SYBU: variants seen among roughly 807,000 people sequenced by gnomAD.
SYBU encodes syntabulin.
A neutral mutation model predicts 35.9 loss-of-function variants in SYBU; 21 were observed. The ratio of observed to expected loss-of-function variants is 0.58; its 90% CI spans 0.41 to 0.84. The LOEUF (loss-of-function observed/expected upper bound fraction) is 0.84. Ranked by LOEUF, SYBU falls within the 40% of genes least tolerant of loss-of-function variation. The pLI, the probability that SYBU is intolerant of heterozygous loss-of-function variation, is 0.00. For synonymous variants in SYBU, 319 were observed against 324.3 expected (o/e 0.98, Z 0.18); for missense variants, 768 against 848.2 (o/e 0.91, Z 1.17).
chr8:109,663,767 A>G (rs1816658917), intron 1 of SYBU, among the ~76,000 whole-genome samples: 1 of 152,014 alleles, frequency 6.6e-6, no homozygotes, highest in Admixed American at 6.6e-5. Context: ...TTTTGCCCAC[A>G]AAAAACATGC....
intron 1 of SYBU, among the ~76,000 whole-genome samples, chr8:109,651,462 T>C (rs563645870): frequency 1.5e-5 from 2 of 136,676 alleles, no homozygotes; most frequent in South Asian, 4.8e-4. Context: ...TTTTTTTTTT[T>C]TTTTTTTTTT....
chr8:109,603,278 T>A (rs1586800938), intron 3 of SYBU: 1 of 327,594 alleles, frequency 3.1e-6, no homozygotes, highest in East Asian at 1.7e-4. Flanking sequence ...GTTTTTGAAC[T>A]CCCACTCATC....
At chr8:109,610,111 C>T (rs959342377) in intron 3 of SYBU, among the ~76,000 whole-genome samples, 4 of 152,146 alleles carry the variant, frequency 2.6e-5, no homozygotes, top group African/African-American at 9.7e-5. Flanking sequence ...CCTCCTTAAG[C>T]ACGGAACAAT....
intron 3 of SYBU, chr8:109,586,455 T>C (rs1044811615): frequency 2.8e-6 from 1 of 359,320 alleles, no homozygotes; most frequent in Non-Finnish European, 5.1e-6. Flanking sequence ...AGAAATGCAC[T>C]GTTCTCCCGT....
upstream of SYBU, among the ~76,000 whole-genome samples, chr8:109,682,862 C>T (rs138518294): frequency 1.8e-4 from 27 of 152,350 alleles, no homozygotes; most frequent in African/African-American, 6.0e-4. Flanking sequence ...TGCTCTGCAT[C>T]CCAGCTGTTC....
chr8:109,583,870 G>A (rs942793999), intron 4 of SYBU, among the ~76,000 whole-genome samples: 3 of 152,080 alleles, frequency 2.0e-5, no homozygotes, highest in African/African-American at 7.2e-5. Flanking sequence ...GTGCAGTGGT[G>A]CAATCTTGAC....
At chr8:109,620,074 T>C (rs1365317632) in intron 2 of SYBU, among the ~76,000 whole-genome samples, 72 of 152,210 alleles carry the variant, frequency 4.7e-4, no homozygotes, top group Non-Finnish European at 1.5e-4. Flanking sequence ...CTCCTATAAA[T>C]GCGTTCCACA....
intron 1 of SYBU, among the ~76,000 whole-genome samples, chr8:109,689,805 A>G (rs1817602454): frequency 7.1e-6 from 1 of 140,446 alleles, no homozygotes; most frequent in African/African-American, 2.7e-5. Context: ...TTTTGTGCTT[A>G]TCTTTTACCT....
intron 1 of SYBU, chr8:109,644,011 C>G: frequency 2.3e-6 from 1 of 435,120 alleles, no homozygotes; most frequent in Non-Finnish European, 4.6e-6. Context: ...TAACAAACAC[C>G]CTTTCGAAAC....
chr8:109,679,304 GA>G (rs1251649589), intron 1 of SYBU, among the ~76,000 whole-genome samples: 2 of 152,144 alleles, frequency 1.3e-5, no homozygotes, highest in Non-Finnish European at 2.9e-5. Context: ...ATGTAATCAA[GA>G]AATAGCCATA....
Position 109,586,057 on chromosome 8 carries a change from T to G in SYBU, c.530+3A>C, listed in dbSNP as rs1823578683. ...TAATTACAGAGCAGGAGATGGTGCC[T>G]ACTTGCGTGAAGAAGAAGACCGCTT... On this transcript the variant is annotated splice_donor_region_variant and intron_variant, in intron 4 of 6. Coordinates refer to ENST00000276646, the MANE Select transcript of SYBU (RefSeq NM_001099754.2). 6.2e-7 allele frequency: 1 copy of G among 1,604,634 alleles called. No homozygotes were observed. Among genetic ancestry groups the G allele is most frequent in the Admixed American group, 1.7e-5 (1 of 58,814 alleles).
At chr8:109,668,283 T>C (rs1020462553) in intron 1 of SYBU, among the ~76,000 whole-genome samples, 1 of 150,498 alleles carries the variant, frequency 6.6e-6, no homozygotes, top group Non-Finnish European at 1.5e-5. Context: ...GTCTCCTTGG[T>C]TCTCACATCT....
rs570108343 is a variant in SYBU at position 109,620,077 on chromosome 8, G to A, written c.230-1038C>T. ...TCATACTGCTGACTCCTATAAATGC[G>A]TTCCACATTTATTAAAGTACTTAGG... On this transcript the variant is annotated intron_variant, in intron 2 of 6. Coordinates refer to ENST00000276646, the MANE Select transcript of SYBU (RefSeq NM_001099754.2). Among the ~76,000 whole-genome samples the A allele has an allele frequency of 2.2e-4, 34 of 152,168 alleles. No individual in the cohort carries two copies. The South Asian group carries it at 3.1e-3, about 14-fold the overall frequency.
At chr8:109,656,618 T>C (rs1221048180) in intron 1 of SYBU, among the ~76,000 whole-genome samples, 1 of 152,254 alleles carries the variant, frequency 6.6e-6, no homozygotes, top group African/African-American at 2.4e-5. Flanking sequence ...CTTACGCTTT[T>C]ACTAATTGTA....
At position 109,691,228 on chromosome 8, in the gene SYBU, G is replaced by A; in HGVS notation, c.-58+105C>T. ...CCGCATTGGAAAGGGTGGTCCTGGGGTCCGGAGCGCCCCATCACTGCCCTC... is the reference window on the plus strand; with the variant it reads ...CCGCATTGGAAAGGGTGGTCCTGGGATCCGGAGCGCCCCATCACTGCCCTC... On this transcript the variant is annotated intron_variant, in intron 1 of 7. Transcript: ENST00000422135. This position sits in a 1 kb window ranked among gnomAD's most constrained non-coding sequence, Gnocchi z 4.7. 1.5e-6 allele frequency: 1 copy of A among 673,654 alleles called. No individual in the cohort carries two copies. The highest frequency in any genetic ancestry group is 2.7e-6 in the Non-Finnish European group (1 of 370,758). The allele number at this position is 673,654 out of a possible 1,614,324, so 41.7% of individuals were successfully genotyped here. A position where few individuals can be genotyped will look rare whatever the true frequency, so the allele number is the denominator to read the frequency against.
intron 4 of SYBU, chr8:109,585,768 T>C (rs940233688): frequency 2.5e-5 from 8 of 318,884 alleles, no homozygotes; most frequent in South Asian, 1.6e-4. Context: ...CCTATGCAGA[T>C]GAGTACACAG....
chr8:109,676,029 C>T (rs375422636), intron 1 of SYBU, among the ~76,000 whole-genome samples: 25 of 152,172 alleles, frequency 1.6e-4, no homozygotes, highest in African/African-American at 4.8e-4. Flanking sequence ...ACAGAGCCAA[C>T]GACAAAAACC....
intron 3 of SYBU, among the ~76,000 whole-genome samples, chr8:109,610,835 TTC>T (rs1339477075): frequency 6.6e-6 from 1 of 152,136 alleles, no homozygotes; most frequent in African/African-American, 2.4e-5. Flanking sequence ...GGCCTTGAAG[TTC>T]TCTCTCTAGG....
intron 3 of SYBU, among the ~76,000 whole-genome samples, chr8:109,590,880 T>TA (rs1170327401): frequency 6.6e-6 from 1 of 151,846 alleles, no homozygotes; most frequent in East Asian, 1.9e-4. Context: ...TCAACACCAC[T>TA]AAAAATATAA....
Sources: allele counts gnomAD v4.1 joint callset (sites outside exome capture counted in the v4.1 genomes callset), GRCh38; gene constraint gnomAD v4.1.1; non-coding constraint Gnocchi (gnomAD v3.1); transcripts MANE v1.5; gene names NCBI Gene and HGNC (gene_info 2026-07-23, HGNC 2026-07-21).